The following FBXW10 variants were observed in gnomAD, a reference collection of about 807,000 sequenced individuals.
The protein encoded by FBXW10 is F-box and WD repeat domain containing 10.
FBXW10 carries 68 observed loss-of-function variants against 113.1 expected under a neutral mutation model. The ratio of observed to expected loss-of-function variants is 0.60; its 90% CI spans 0.49 to 0.74. The LOEUF (loss-of-function observed/expected upper bound fraction) is 0.74. Among genes scored for constraint, FBXW10 ranks in the 30% least tolerant of loss-of-function variants. FBXW10 has a pLI of 0.00. For synonymous variants in FBXW10, 289 were observed against 481.6 expected, an observed-to-expected ratio of 0.60 and a Z score of 5.24; for missense variants, 753 against 1,284.5, an observed-to-expected ratio of 0.59 and a Z score of 6.32.
chr17:18,775,275 A>G, intron 13 of FBXW10, 83 bp downstream of exon 13: 2 of 874,244 alleles, frequency 2.3e-6, no homozygotes, highest in Non-Finnish European at 3.9e-6. Context: ...AATCCACAGC[A>G]GGAGATAAGA....
At chr17:18,759,960 G>A (rs2035349383) in intron 7 of FBXW10, among the ~76,000 whole-genome samples, 1 of 152,126 alleles carries the variant, frequency 6.6e-6, no homozygotes. Flanking sequence ...GCCAGAGACG[G>A]GTCTTGGATG....
At chr17:18,777,291 C>A (rs369432962) in intron 13 of FBXW10, among the ~76,000 whole-genome samples, 1 of 151,632 alleles carries the variant, frequency 6.6e-6, no homozygotes, top group Non-Finnish European at 1.5e-5. Flanking sequence ...CTCGAACTCC[C>A]GACCTCAGGT....
At chr17:18,745,350 T>C (rs893915434) in intron 1 of FBXW10, 3 of 549,058 alleles carry the variant, frequency 5.5e-6, no homozygotes, top group Non-Finnish European at 7.0e-6. Flanking sequence ...GCAGGACCTG[T>C]TAAAACAAGC....
chr17:18,760,925 T>A (rs1265309220), intron 7 of FBXW10, among the ~76,000 whole-genome samples: 1 of 152,224 alleles, frequency 6.6e-6, no homozygotes, highest in Admixed American at 6.5e-5. Context: ...CAGTTTTATC[T>A]TTTGCATTCA....
chr17:18,766,795 A>AC lies in FBXW10; in HGVS notation c.1638dup (p.Ile547HisfsTer6), dbSNP rs1296873045. The stretch of plus-strand genomic sequence containing the variant: ...TTGGCCACCAGGATCAATGATACCT[A>AC]CATTGTGAGCAGCTGTGAGCGAGGG... On this transcript the variant is annotated frameshift_variant, in exon 9 of 14. Coordinates refer to ENST00000395665, the MANE Select transcript of FBXW10 (RefSeq NM_001267585.2). LOFTEE classifies it high-confidence loss of function. 6.2e-7 allele frequency: 1 copy of AC among 1,612,244 alleles called. No homozygotes were observed. Among genetic ancestry groups the AC allele is most frequent in the Non-Finnish European group, 8.5e-7 (1 of 1,178,558 alleles).
intron 10 of FBXW10, among the ~76,000 whole-genome samples, chr17:18,769,181 C>T (rs538079198): frequency 3.5e-4 from 53 of 152,024 alleles, no homozygotes; most frequent in African/African-American, 1.2e-3. Flanking sequence ...ATGATCCACC[C>T]GCCTCAGCCT....
Position 18,775,141 on chromosome 17 carries a change from T to C in FBXW10, c.2284T>C (p.Leu762=). 6.2e-7 allele frequency: 1 copy of C among 1,606,508 alleles called. No homozygotes were observed. Among genetic ancestry groups the C allele is most frequent in the South Asian group, 1.1e-5 (1 of 90,880 alleles). ...LKPAKFSSAV[L]IEELQSQGKS... ...CTTCCTCAATCTCAATTTAGCAGTG[T>C]TAATAGAGGAACTTCAAAGTCAAGG... Residue 762 remains leucine, a synonymous_variant, in exon 13 of 14, where the codon TTA becomes CTA. Transcript: ENST00000395665.
intron 11 of FBXW10, among the ~76,000 whole-genome samples, chr17:18,770,411 C>A (rs1364669869): frequency 6.6e-6 from 1 of 151,800 alleles, no homozygotes; most frequent in Non-Finnish European, 1.5e-5. Context: ...TCAAGCAATT[C>A]TCTGCCTCAG....
At chr17:18,762,434 C>T (rs1293203939) in intron 7 of FBXW10, among the ~76,000 whole-genome samples, 1 of 151,468 alleles carries the variant, frequency 6.6e-6, no homozygotes. Context: ...TCCCCTGCCT[C>T]AGCCTCCCGA....
chr17:18,751,194 G>A, intron 5 of FBXW10, 141 bp downstream of exon 5: 1 of 1,072,612 alleles, frequency 9.3e-7, no homozygotes, highest in Non-Finnish European at 1.3e-6. Flanking sequence ...CGAGAGTTCT[G>A]TGTTGCTACT....
chr17:18,747,082 GC>G (rs2035052907), intron 1 of FBXW10, among the ~76,000 whole-genome samples: 1 of 151,852 alleles, frequency 6.6e-6, no homozygotes, highest in South Asian at 2.1e-4. Flanking sequence ...CCGCCACCAC[GC>G]CCGGCTAATT....
At chr17:18,750,612 T>C (rs549798710) in intron 4 of FBXW10, among the ~76,000 whole-genome samples, 19 of 129,026 alleles carry the variant, frequency 1.5e-4, no homozygotes, top group African/African-American at 4.8e-4. Flanking sequence ...CCCTAAACCA[T>C]GGATTTTGGT....
intron 6 of FBXW10, 103 bp downstream of exon 6, chr17:18,756,257 C>T (rs1343786333): frequency 7.9e-6 from 8 of 1,008,164 alleles, no homozygotes; most frequent in South Asian, 7.4e-5. Context: ...GGCAAGCTCT[C>T]CTCACCTCAA....
At chr17:18,761,563 C>A (rs2035386972) in intron 7 of FBXW10, among the ~76,000 whole-genome samples, 1 of 152,128 alleles carries the variant, frequency 6.6e-6, no homozygotes, top group African/African-American at 2.4e-5. Flanking sequence ...CCGCGCCCGG[C>A]CTCACTTTTC....
intron 13 of FBXW10, among the ~76,000 whole-genome samples, chr17:18,775,538 C>A (rs1378493321): frequency 1.3e-5 from 2 of 152,158 alleles, no homozygotes; most frequent in Non-Finnish European, 2.9e-5. Flanking sequence ...CTGTTCCCTG[C>A]CAGCTTCCTC....
At position 18,749,777 on chromosome 17, in the gene FBXW10, T is replaced by C. The variant is rs773672287; in HGVS notation, c.726T>C (p.Ser242=). The C allele has an allele frequency of 1.2e-6, 2 of 1,614,216 alleles. No homozygotes were observed. The highest frequency in any genetic ancestry group is 1.1e-5 in the South Asian group (1 of 91,082). Residue 242 remains serine (S), a synonymous_variant, in exon 3 of 14, where the codon TCT becomes TCC. Transcript: ENST00000395665. ...RCISEMNRLF[S]GKGDITKPGY... ...TATCCGAAATGAATAGGCTGTTTTC[T>C]GGAAAAGGAGACATAACCAAGCCAG...
In FBXW10 at chr17:18,778,890, G is replaced by A. The variant is rs754642552; in HGVS notation, c.2751G>A (p.Arg917=). ...CCCAGCCCATGATTATCCGCTCCAG[G>A]TTCTCTGGCAGCTTAAAGGGTGGAG... ...TIPQPMIIRS[R]FSGSLKGGDQ... is the part of the protein sequence containing the mutation. Residue 917 remains arginine, a synonymous_variant, in exon 14 of 14, where the codon AGG becomes AGA. Transcript: ENST00000395665. 4.3e-5 allele frequency: 70 copies of A among 1,613,748 alleles called. No homozygotes were observed. In the South Asian group the frequency reaches 7.5e-4, roughly 17 times the overall value.
chr17:18,764,911 C>T (rs527697324), intron 8 of FBXW10, 48 bp downstream of exon 8: 10 of 1,613,604 alleles, frequency 6.2e-6, no homozygotes, highest in East Asian at 2.2e-5. Context: ...CCCCGACCCA[C>T]GGGTTACCAA....
At chr17:18,774,398 G>C (rs924709418) in intron 12 of FBXW10, among the ~76,000 whole-genome samples, 5 of 152,202 alleles carry the variant, frequency 3.3e-5, no homozygotes, top group African/African-American at 1.2e-4. Flanking sequence ...TAACTACTTG[G>C]TTTCATACGA....
Sources: allele counts gnomAD v4.1 joint callset (sites outside exome capture counted in the v4.1 genomes callset), GRCh38; gene constraint gnomAD v4.1.1; transcripts MANE v1.5; gene names NCBI Gene and HGNC (gene_info 2026-07-23, HGNC 2026-07-21).